Variants in RERGL observed in about 807,000 individuals in gnomAD.
The protein encoded by RERGL is ras-related and estrogen-regulated growth inhibitor-like protein.
In RERGL, 22 loss-of-function variants were observed where a neutral mutation model predicts 24.7. The ratio of observed to expected loss-of-function variants is 0.89; its 90% CI spans 0.64 to 1.27. The LOEUF (loss-of-function observed/expected upper bound fraction) is 1.27, where lower values mean the gene tolerates loss of function less well. RERGL is among the 50% of genes most tolerant of loss of function. The pLI is 0.00. For missense variants in RERGL, 259 were observed against 235.3 expected, an observed-to-expected ratio of 1.10 and a Z score of -0.66; for synonymous variants, 76 against 82.6, an observed-to-expected ratio of 0.92 and a Z score of 0.43.
Position 18,085,659 on chromosome 12 carries a change from C to T in RERGL, c.144G>A (p.Arg48=), listed in dbSNP as rs771432625. The T allele has an allele frequency of 3.1e-6, 5 of 1,600,446 alleles. No homozygotes were observed. Among genetic ancestry groups the T allele is most frequent in the Admixed American group, 1.7e-5 (1 of 58,896 alleles). Residue 48 remains arginine (R), a synonymous_variant, in exon 3 of 5, where the codon AGG becomes AGA. Coordinates refer to ENST00000538724, the MANE Select transcript of RERGL (RefSeq NM_001286201.2). ...CATATATTTCTAGATTTAGTTGTTT[C>T]CTTTCCAAACACAAGTGCTTCTTAT... is the stretch of plus-strand genomic sequence containing the variant. The part of the protein sequence containing the change: ...SIYKKHLCLE[R]KQLNLEIYDP...
intron 2 of RERGL, 103 bp downstream of exon 2, chr12:18,088,797 C>T (rs1269526376): frequency 5.2e-6 from 4 of 774,390 alleles, no homozygotes; most frequent in Non-Finnish European, 9.1e-6. Context: ...GTTTCATATG[C>T]ATAAAAATGG....
At chr12:18,082,754 T>C (rs1398209566) in intron 4 of RERGL, among the ~76,000 whole-genome samples, 4 of 152,230 alleles carry the variant, frequency 2.6e-5, no homozygotes, top group African/African-American at 9.6e-5. Context: ...TATTTATTGC[T>C]GTTTTTGCTC....
rs368672022 is a variant in RERGL, at chr12:18,081,490, C to G, written c.333-17G>C. ...TCCACAGCTCTGAAATAGAGATACACAATTTTTAGCAAGATTGTTTTAACA... is the reference window on the plus strand; with the variant it reads ...TCCACAGCTCTGAAATAGAGATACAGAATTTTTAGCAAGATTGTTTTAACA... On this transcript the variant is annotated splice_polypyrimidine_tract_variant and intron_variant, in intron 4 of 4. Coordinates refer to ENST00000538724, the MANE Select transcript of RERGL (RefSeq NM_001286201.2). The G allele has an allele frequency of 4.6e-5, 66 of 1,442,140 alleles. No homozygotes were observed. The Middle Eastern group carries it at 9.2e-4, about 20-fold the overall frequency. The allele number at this position is 1,442,140 out of a possible 1,614,324, so 89.3% of individuals were successfully genotyped here.
intron 2 of RERGL, among the ~76,000 whole-genome samples, chr12:18,086,610 C>A (rs1947224654): frequency 1.3e-5 from 2 of 152,174 alleles, no homozygotes; most frequent in Non-Finnish European, 1.5e-5. Context: ...CCTTGTTGCT[C>A]CGTCTTAATC....
At chr12:18,087,017 A>T (rs1009039936) in intron 2 of RERGL, among the ~76,000 whole-genome samples, 3 of 152,204 alleles carry the variant, frequency 2.0e-5, no homozygotes, top group Non-Finnish European at 4.4e-5. Context: ...TCACATATTT[A>T]TTCTAAAATT....
intron 4 of RERGL, among the ~76,000 whole-genome samples, chr12:18,081,779 C>T (rs1490943074): frequency 6.6e-6 from 1 of 152,092 alleles, no homozygotes; most frequent in Non-Finnish European, 1.5e-5. Context: ...TTACCTTTTC[C>T]ACTTTCAGTT....
intron 3 of RERGL, 85 bp downstream of exon 3, chr12:18,085,535 T>C: frequency 1.1e-6 from 1 of 887,030 alleles, no homozygotes; most frequent in Non-Finnish European, 1.7e-6. Context: ...CTTTTTTCAC[T>C]TACCCCCATA....
At chr12:18,085,223 G>T (rs1196795647) in intron 3 of RERGL, among the ~76,000 whole-genome samples, 2 of 152,096 alleles carry the variant, frequency 1.3e-5, no homozygotes, top group Admixed American at 1.3e-4. Context: ...AAGGAGGTTT[G>T]TACTTAAAAT....
chr12:18,082,865 T>G (rs1947186517), intron 4 of RERGL, among the ~76,000 whole-genome samples: 1 of 152,158 alleles, frequency 6.6e-6, no homozygotes, highest in Non-Finnish European at 1.5e-5. Context: ...AGATAAAATG[T>G]CTCTGAAAAT....
rs901308199 is a variant in RERGL at position 18,081,064 on chromosome 12, T to G, written c.*127A>C. On this transcript the variant is annotated 3_prime_UTR_variant, in exon 5 of 5. Coordinates refer to ENST00000538724, the MANE Select transcript of RERGL (RefSeq NM_001286201.2). ...TTGAAAACACAGCTGTGGTTCATAC[T>G]CAATCATTTCATATCTCCAAGAGAA... 8 of 849,460 alleles carry G rather than the reference T, an allele frequency of 9.4e-6. No individual in the cohort carries two copies. The African/African-American group carries it at 1.2e-4, about 13-fold the overall frequency. The allele number at this position is 849,460 out of a possible 1,614,324, so 52.6% of individuals were successfully genotyped here.
intron 2 of RERGL, among the ~76,000 whole-genome samples, chr12:18,086,986 T>G (rs569117729): frequency 6.6e-6 from 1 of 152,346 alleles, no homozygotes; most frequent in East Asian, 1.9e-4. Context: ...GGATTATCCT[T>G]GATTATTTAT....
rs576113697 is a variant in RERGL, at chr12:18,089,838, T to C, written c.52+251A>G. ...AATTGTAAACATCAGTAGAACAATA[T>C]ACAAATTAACATTTCAGATATTTAT... On this transcript the variant is annotated intron_variant, in intron 1 of 4. Transcript: ENST00000538724. 5.9e-5 allele frequency among the ~76,000 whole-genome samples: 9 copies of C among 152,168 alleles called. No individual in the cohort carries two copies. The South Asian group carries it at 1.2e-3, about 21-fold the overall frequency.
chr12:18,086,859 A>AG (rs1947226578), intron 2 of RERGL, among the ~76,000 whole-genome samples: 1 of 152,104 alleles, frequency 6.6e-6, no homozygotes, highest in Admixed American at 6.6e-5. Context: ...AGCTATCTCA[A>AG]CCTTAACACA....
Position 18,084,501 on chromosome 12 carries a change from A to ATG in RERGL, c.332+14_332+15dup. On this transcript the variant is annotated intron_variant, in intron 4 of 4. Coordinates refer to ENST00000538724, the MANE Select transcript of RERGL (RefSeq NM_001286201.2). ...TTTACTAAAAAGAAAGGAGAAAGGA[A>ATG]TGAAAAATACCTTACCTTTTACAAT... 1 of 1,591,858 alleles carries ATG rather than the reference A, an allele frequency of 6.3e-7. No individual in the cohort carries two copies. The highest frequency in any genetic ancestry group is 8.5e-7 in the Non-Finnish European group (1 of 1,172,748).
chr12:18,083,758 C>T (rs927812930), intron 4 of RERGL, among the ~76,000 whole-genome samples: 2 of 152,020 alleles, frequency 1.3e-5, no homozygotes, highest in Admixed American at 1.3e-4. Flanking sequence ...TCTTACTTAC[C>T]AGATTAGAAT....
chr12:18,089,542 C>T (rs1947250884), intron 1 of RERGL, among the ~76,000 whole-genome samples: 1 of 152,068 alleles, frequency 6.6e-6, no homozygotes, highest in Non-Finnish European at 1.5e-5. Context: ...AAGCAAAACA[C>T]AGCAAAACAA....
chr12:18,082,672 G>A (rs750512022), intron 4 of RERGL, among the ~76,000 whole-genome samples: 4 of 152,108 alleles, frequency 2.6e-5, no homozygotes, highest in Non-Finnish European at 5.9e-5. Flanking sequence ...GCTAGCAAAT[G>A]TCTCTTTACT....
intron 1 of RERGL, chr12:18,089,329 G>A (rs1278843949): frequency 1.3e-6 from 2 of 1,541,172 alleles, no homozygotes; most frequent in Non-Finnish European, 1.7e-6. Context: ...AAGGTACTAT[G>A]TGTAATAGTC....
Position 18,081,213 on chromosome 12 carries a change from C to A in RERGL, c.593G>T (p.Gly198Val). ...SMAKLINNVFGKRRKSV is the reference protein window; with the variant it reads ...SMAKLINNVFVKRRKSV ...CTACTAAACAGATTTCCTTCTCTTT[C>A]CAAATACATTATTGATCAATTTGGC... The change falls in exon 5 of 5, where the codon GGA becomes GTA. Residue 198 changes from glycine (G) to valine (V), a missense_variant. By Grantham distance (109) the Gly-to-Val change is moderately radical. Transcript: ENST00000538724. The A allele has an allele frequency of 6.2e-7, 1 of 1,605,780 alleles. No individual in the cohort carries two copies. The highest frequency in any genetic ancestry group is 1.1e-5 in the South Asian group (1 of 90,860).
Sources: allele counts gnomAD v4.1 joint callset (sites outside exome capture counted in the v4.1 genomes callset), GRCh38; gene constraint gnomAD v4.1.1; transcripts MANE v1.5; gene names NCBI Gene and HGNC (gene_info 2026-07-23, HGNC 2026-07-21).